Variants in CACNG2 observed in about 807,000 individuals in gnomAD.
The protein encoded by CACNG2 is calcium voltage-gated channel auxiliary subunit gamma 2.
In CACNG2, 3 loss-of-function variants were observed where a neutral mutation model predicts 25.9. That is an observed-to-expected ratio of 0.12 (90% confidence interval 0.05 to 0.30). The LOEUF (loss-of-function observed/expected upper bound fraction) is 0.30. CACNG2 is among the 10% of genes least tolerant of loss of function. CACNG2 has a pLI of 1.00. For missense variants in CACNG2, 341 were observed against 432.5 expected (o/e 0.79, Z 1.88); for synonymous variants, 167 against 173.3 (o/e 0.96, Z 0.29).
intron 1 of CACNG2, among the ~76,000 whole-genome samples, chr22:36,618,395 T>TC (rs131831): frequency 1 from 152,365 of 152,366 alleles, 76,182 homozygotes; most frequent in Middle Eastern, 1. Context: ...CGACTGGCTT[T>TC]CCCTTCCTGG....
At chr22:36,699,757 T>C (rs1937387673) in intron 1 of CACNG2, among the ~76,000 whole-genome samples, 2 of 152,106 alleles carry the variant, frequency 1.3e-5, no homozygotes, top group Non-Finnish European at 2.9e-5. Flanking sequence ...AGCGACCCCA[T>C]TCTGAGTGCT....
rs1025177610 is a variant in CACNG2, at chr22:36,696,262, C to T, written c.211+6104G>A. On this transcript the variant is annotated intron_variant, in intron 1 of 3. Coordinates refer to ENST00000300105, the MANE Select transcript of CACNG2 (RefSeq NM_006078.5). ...TTTCTCTCCAAGCACTTTTTGTTTC[C>T]ATTATCTTTTTTACTATTGTCCTTT... Among the ~76,000 whole-genome samples the T allele has an allele frequency of 5.3e-5, 8 of 152,168 alleles. No homozygotes were observed. In the East Asian group the frequency reaches 1.5e-3, roughly 29 times the overall value.
At chr22:36,662,298 A>G (rs1478642296) in intron 1 of CACNG2, among the ~76,000 whole-genome samples, 1 of 152,014 alleles carries the variant, frequency 6.6e-6, no homozygotes, top group Non-Finnish European at 1.5e-5. Context: ...TTGCTATTCT[A>G]AGCCATCTTG....
intron 1 of CACNG2, among the ~76,000 whole-genome samples, chr22:36,627,340 TGA>T (rs2145955165): frequency 6.7e-6 from 1 of 148,666 alleles, no homozygotes; most frequent in South Asian, 2.1e-4. Context: ...AGAAAATGAA[TGA>T]GAGAATCAGG....
At chr22:36,601,316 G>A (rs949903582) in intron 1 of CACNG2, among the ~76,000 whole-genome samples, 8 of 152,064 alleles carry the variant, frequency 5.3e-5, no homozygotes, top group Admixed American at 3.3e-4. Flanking sequence ...TTTCATGCAT[G>A]TTGTGGCAAA....
intron 1 of CACNG2, among the ~76,000 whole-genome samples, chr22:36,657,501 C>G (rs535460054): frequency 9.0e-4 from 137 of 152,206 alleles, no homozygotes; most frequent in African/African-American, 3.2e-3. Flanking sequence ...GCACGTTGCT[C>G]CAGGAGCCCG....
chr22:36,687,807 T>C (rs1937220941), intron 1 of CACNG2, among the ~76,000 whole-genome samples: 1 of 152,032 alleles, frequency 6.6e-6, no homozygotes, highest in African/African-American at 2.4e-5. Flanking sequence ...TCAACAACTC[T>C]GGCTTTAAAG....
At chr22:36,669,667 G>A (rs959969609) in intron 1 of CACNG2, among the ~76,000 whole-genome samples, 5 of 152,062 alleles carry the variant, frequency 3.3e-5, no homozygotes, top group African/African-American at 1.2e-4. Context: ...TCTTTCCATA[G>A]TTAATCGTTT....
In CACNG2 at chr22:36,564,534, C is replaced by A. The variant is rs773240271; in HGVS notation, c.789G>T (p.Leu263=). The stretch of plus-strand genomic sequence containing the variant: ...TGTACATGGAGATCTCCGTGGACGG[C>A]AGGGTGTTGAAGCCCTTGATGCCCA... ...SPVGIKGFNT[L]PSTEISMYTL... The change falls in exon 4 of 4, where the codon CTG becomes CTT. Residue 263 remains leucine, a synonymous_variant. Coordinates refer to ENST00000300105, the MANE Select transcript of CACNG2 (RefSeq NM_006078.5). This position sits in a 1 kb window ranked among gnomAD's most constrained non-coding sequence, Gnocchi z 6.7. 4 of 1,614,094 alleles carry A rather than the reference C, an allele frequency of 2.5e-6. No homozygotes were observed. Among genetic ancestry groups the A allele is most frequent in the Middle Eastern group, 1.6e-4 (1 of 6,062 alleles).
intron 1 of CACNG2, among the ~76,000 whole-genome samples, chr22:36,610,210 TTAGAG>T (rs1935916941): frequency 7.2e-6 from 1 of 139,162 alleles, no homozygotes; most frequent in Non-Finnish European, 1.6e-5. Flanking sequence ...AATCAGCCCC[TTAGAG>T]CGTGATTGGG....
At chr22:36,667,235 G>A (rs909451917) in intron 1 of CACNG2, among the ~76,000 whole-genome samples, 1 of 152,182 alleles carries the variant, frequency 6.6e-6, no homozygotes, top group African/African-American at 2.4e-5. Flanking sequence ...TTACAGGCAT[G>A]AGCAGCTGCG....
chr22:36,649,595 A>T, intron 1 of CACNG2, among the ~76,000 whole-genome samples: 1 of 152,156 alleles, frequency 6.6e-6, no homozygotes, highest in Non-Finnish European at 1.5e-5. Flanking sequence ...CAACAGCTCT[A>T]CTTTCAAACT....
chr22:36,624,538 C>T (rs546361835), intron 1 of CACNG2, among the ~76,000 whole-genome samples: 2 of 152,258 alleles, frequency 1.3e-5, no homozygotes, highest in East Asian at 3.9e-4. Context: ...TAAACTGTCT[C>T]CCTCCCTGCA....
chr22:36,667,725 T>A (rs955134647), intron 1 of CACNG2, among the ~76,000 whole-genome samples: 1 of 152,152 alleles, frequency 6.6e-6, no homozygotes, highest in Non-Finnish European at 1.5e-5. Context: ...TCATGTCGCC[T>A]CTGAACAGAG....
intron 1 of CACNG2, among the ~76,000 whole-genome samples, chr22:36,592,907 G>T (rs1409969893): frequency 1.3e-5 from 2 of 152,192 alleles, no homozygotes; most frequent in Non-Finnish European, 2.9e-5. Context: ...TGTGAGAGGG[G>T]TAGAGGCTCT....
intron 1 of CACNG2, among the ~76,000 whole-genome samples, chr22:36,643,409 A>C (rs2145968770): frequency 6.6e-6 from 1 of 152,248 alleles, no homozygotes; most frequent in Non-Finnish European, 1.5e-5. Flanking sequence ...ATAGAAATGA[A>C]CAAAATAGAC....
intron 1 of CACNG2, among the ~76,000 whole-genome samples, chr22:36,627,833 G>A (rs983166442): frequency 3.3e-5 from 5 of 151,736 alleles, no homozygotes; most frequent in African/African-American, 1.2e-4. Flanking sequence ...TTACTTCAGG[G>A]TAACTGTTGT....
In CACNG2 at chr22:36,600,276, T is replaced by C. The variant is rs1446220102; in HGVS notation, c.212-12728A>G. Among the ~76,000 whole-genome samples the C allele has an allele frequency of 7.2e-4, 109 of 152,226 alleles. 1 individual carries two copies. Among genetic ancestry groups the C allele is most frequent in the Non-Finnish European group, 1.0e-4 (7 of 68,014 alleles). ...TACTTTTAATTTTTTTAGAGACAGG[T>C]TCTTGCTTTGTCACCCAGATTGGAG... On this transcript the variant is annotated intron_variant, in intron 1 of 3. Transcript: ENST00000300105.
intron 1 of CACNG2, among the ~76,000 whole-genome samples, chr22:36,636,341 T>A (rs1167265621): frequency 6.6e-6 from 1 of 152,112 alleles, no homozygotes; most frequent in African/African-American, 2.4e-5. Flanking sequence ...CACACCTACA[T>A]GCCATCCGTT....
Sources: allele counts gnomAD v4.1 joint callset (sites outside exome capture counted in the v4.1 genomes callset), GRCh38; gene constraint gnomAD v4.1.1; non-coding constraint Gnocchi (gnomAD v3.1); transcripts MANE v1.5; gene names NCBI Gene and HGNC (gene_info 2026-07-23, HGNC 2026-07-21).